The following RP1 variants were observed in gnomAD, a reference collection of about 807,000 sequenced individuals.
The protein encoded by RP1 is RP1 axonemal microtubule associated.
A neutral mutation model predicts 14.8 loss-of-function variants in RP1; 16 were observed. The ratio of observed to expected loss-of-function variants is 1.08; its 90% confidence interval spans 0.73 to 1.65. The LOEUF (loss-of-function observed/expected upper bound fraction) is 1.65, where lower values mean the gene tolerates loss of function less well. Ranked by LOEUF, RP1 falls within the 40% of genes most tolerant of loss-of-function variation. RP1 has a pLI of 0.00. For synonymous variants in RP1, 876 were observed against 883.6 expected, an observed-to-expected ratio of 0.99 and a Z score of 0.15; for missense variants, 2,631 against 2,535.0, an observed-to-expected ratio of 1.04 and a Z score of -0.81.
chr8:54,636,581 T>A lies in RP1; in HGVS notation c.788-12404T>A, dbSNP rs184042292. Among the ~76,000 whole-genome samples the A allele has an allele frequency of 4.5e-3, 685 of 152,090 alleles. 5 individuals are homozygous for A. The highest frequency in any genetic ancestry group is 0.016 in the African/African-American group (646 of 41,490). Reference sequence around the variant, plus strand: ...GGTGAAACCCGTTCTTTACTAAAAATATAAAAATTAGCTGGGCCTGGTCGT... The same window carrying A: ...GGTGAAACCCGTTCTTTACTAAAAAAATAAAAATTAGCTGGGCCTGGTCGT... On this transcript the variant is annotated intron_variant, in intron 3 of 22. Transcript: ENST00000636932.
chr8:54,596,073 C>A (rs2089831477), intron 1 of RP1, among the ~76,000 whole-genome samples: 1 of 152,100 alleles, frequency 6.6e-6, no homozygotes, highest in South Asian at 2.1e-4. Context: ...TTAGAAAATT[C>A]TTGGGATATA....
At chr8:54,683,281 T>A (rs942219074) in intron 12 of RP1, among the ~76,000 whole-genome samples, 6 of 152,198 alleles carry the variant, frequency 3.9e-5, no homozygotes, top group Admixed American at 3.3e-4. Context: ...CTTTGCTATA[T>A]GGGCTCATCT....
intron 1 of RP1, among the ~76,000 whole-genome samples, chr8:54,587,874 C>T (rs1392330381): frequency 6.6e-6 from 1 of 151,974 alleles, no homozygotes; most frequent in Non-Finnish European, 1.5e-5. Flanking sequence ...TACATTTTTT[C>T]CTCTGATATT....
At chr8:54,706,077 A>G (rs946473074) in intron 14 of RP1, among the ~76,000 whole-genome samples, 2 of 152,138 alleles carry the variant, frequency 1.3e-5, no homozygotes, top group Non-Finnish European at 2.9e-5. Context: ...ATCCATAGAG[A>G]GTATTCCATA....
rs1044697876 is a variant in RP1 at position 54,821,007 on chromosome 8, G to A, written c.3616-16443G>A. Reference sequence around the variant, plus strand: ...GATGGCTTAGAAACAAAAACACAAAGCAGAATAAAAAGCCATATTTAAAGC... The same window carrying A: ...GATGGCTTAGAAACAAAAACACAAAACAGAATAAAAAGCCATATTTAAAGC... On this transcript the variant is annotated intron_variant, in intron 24 of 28. Transcript: ENST00000637698. 3.3e-5 allele frequency among the ~76,000 whole-genome samples: 5 copies of A among 152,036 alleles called. No homozygotes were observed. The East Asian group carries it at 7.7e-4, about 23-fold the overall frequency.
At chr8:54,748,921 C>T (rs1809292920) in intron 19 of RP1, among the ~76,000 whole-genome samples, 1 of 151,906 alleles carries the variant, frequency 6.6e-6, no homozygotes, top group Non-Finnish European at 1.5e-5. Context: ...CTAAACCTTT[C>T]TCATCCTAAT....
intron 1 of RP1, 87 bp from the exon 2 acceptor site, chr8:54,620,868 G>A (rs1805839243): frequency 8.2e-7 from 1 of 1,216,416 alleles, no homozygotes; most frequent in Non-Finnish European, 1.2e-6. Flanking sequence ...TATCCTGGAT[G>A]TCTGCAGCTA....
At chr8:54,695,761 G>A (rs1483490443) in intron 12 of RP1, among the ~76,000 whole-genome samples, 2 of 152,110 alleles carry the variant, frequency 1.3e-5, no homozygotes, top group Admixed American at 6.6e-5. Flanking sequence ...AATGAGTTGT[G>A]TCAGACTCAA....
At chr8:54,687,461 G>A (rs2129338065) in intron 12 of RP1, among the ~76,000 whole-genome samples, 2 of 151,922 alleles carry the variant, frequency 1.3e-5, no homozygotes, top group African/African-American at 4.8e-5. Context: ...CCTTCCCCTA[G>A]TCCCCCAACC....
At chr8:54,795,081 C>A (rs1810549704) in intron 24 of RP1, among the ~76,000 whole-genome samples, 1 of 151,780 alleles carries the variant, frequency 6.6e-6, no homozygotes, top group Admixed American at 6.6e-5. Context: ...ATCAAAAAAA[C>A]AAGAGATAGT....
chr8:54,646,522 T>C (rs370016859), intron 3 of RP1, among the ~76,000 whole-genome samples: 2 of 152,190 alleles, frequency 1.3e-5, no homozygotes, highest in East Asian at 3.9e-4. Flanking sequence ...CAACTAGTAA[T>C]GACCCAATGA....
At chr8:54,596,321 C>A (rs1303555351) in intron 1 of RP1, among the ~76,000 whole-genome samples, 2 of 152,164 alleles carry the variant, frequency 1.3e-5, no homozygotes, top group Non-Finnish European at 2.9e-5. Context: ...TAGGCCCTAC[C>A]TATATCACAA....
At chr8:54,754,544 C>A (rs892963111) in intron 19 of RP1, among the ~76,000 whole-genome samples, 1 of 152,124 alleles carries the variant, frequency 6.6e-6, no homozygotes, top group Non-Finnish European at 1.5e-5. Flanking sequence ...CAACTGATGG[C>A]ACTTCTACTA....
At chr8:54,593,010 C>A (rs984479256) in intron 1 of RP1, among the ~76,000 whole-genome samples, 4 of 152,166 alleles carry the variant, frequency 2.6e-5, no homozygotes. Flanking sequence ...GGCTTTCTAG[C>A]CTCTATGAGG....
intron 12 of RP1, among the ~76,000 whole-genome samples, chr8:54,689,485 C>A (rs550477292): frequency 2.0e-5 from 3 of 152,130 alleles, no homozygotes; most frequent in South Asian, 4.1e-4. Flanking sequence ...TTGGCATACC[C>A]AGCTCCTTCT....
At chr8:54,727,301 T>C (rs549323432) in intron 17 of RP1, among the ~76,000 whole-genome samples, 1 of 152,160 alleles carries the variant, frequency 6.6e-6, no homozygotes, top group South Asian at 2.1e-4. Context: ...CTTGAATCCA[T>C]GGAGCAGTGT....
intron 17 of RP1, among the ~76,000 whole-genome samples, chr8:54,733,509 A>C (rs982903096): frequency 6.6e-6 from 1 of 152,146 alleles, no homozygotes; most frequent in Non-Finnish European, 1.5e-5. Flanking sequence ...TTTTTATTTT[A>C]AAATTAGTTC....
chr8:54,754,878 G>A (rs1274295291), exon 20 of RP1: 1 of 1,528,000 alleles, frequency 6.5e-7, no homozygotes, highest in African/African-American at 1.4e-5. Flanking sequence ...GATTCAGGCA[G>A]ATGGGGATGT....
intron 25 of RP1, among the ~76,000 whole-genome samples, chr8:54,843,709 C>T (rs181769213): frequency 1.0e-3 from 153 of 152,274 alleles, no homozygotes; most frequent in African/African-American, 3.2e-3. Flanking sequence ...GAAGTTTGGT[C>T]GCTCTGACTG....
Sources: allele counts gnomAD v4.1 joint callset (sites outside exome capture counted in the v4.1 genomes callset), GRCh38; gene constraint gnomAD v4.1.1; transcripts MANE v1.5; gene names NCBI Gene and HGNC (gene_info 2026-07-23, HGNC 2026-07-21).